The following FBXO17 variants were observed in gnomAD, a reference collection of about 807,000 sequenced individuals.
FBXO17 encodes F-box only protein 17.
In FBXO17, 43 loss-of-function variants were observed where a neutral mutation model predicts 34.1. That is an observed-to-expected ratio of 1.26 (90% CI 0.99 to 1.62). The LOEUF is 1.62. FBXO17 is among the 40% of genes most tolerant of loss of function. The probability of loss-of-function intolerance (pLI) is 0.00; values close to 1 mark genes in which losing one functional copy is unlikely to be tolerated. For missense variants in FBXO17, 424 were observed against 386.7 expected (o/e 1.10, Z -0.81); for synonymous variants, 169 against 166.0 (o/e 1.02, Z -0.14).
chr19:38,967,472 A>G (rs552681917), intron 1 of FBXO17, among the ~76,000 whole-genome samples: 1 of 152,262 alleles, frequency 6.6e-6, no homozygotes, highest in Admixed American at 6.5e-5. Flanking sequence ...AAAGAAAGAC[A>G]AAAGATTTGA....
At chr19:38,971,426 C>T (rs745923015) in intron 1 of FBXO17, among the ~76,000 whole-genome samples, 30 of 152,130 alleles carry the variant, frequency 2.0e-4, no homozygotes, top group Non-Finnish European at 4.0e-4. Flanking sequence ...GAACCTCTGG[C>T]ACGATCATTC....
At chr19:38,974,059 C>T (rs1975429016) in intron 1 of FBXO17, among the ~76,000 whole-genome samples, 2 of 146,838 alleles carry the variant, frequency 1.4e-5, no homozygotes, top group African/African-American at 2.5e-5. Context: ...CATATATATA[C>T]ACACATATAT....
chr19:38,969,880 G>A (rs1047278844), intron 1 of FBXO17, among the ~76,000 whole-genome samples: 3 of 151,956 alleles, frequency 2.0e-5, no homozygotes, highest in Admixed American at 6.6e-5. Flanking sequence ...TTATAGGCAT[G>A]AGCCATTGTG....
chr19:38,950,126 C>T lies in FBXO17; in HGVS notation c.194G>A (p.Arg65His). The change falls in exon 2 of 6, where the codon CGC becomes CAC. Residue 65 changes from arginine (R) to histidine (H), a missense_variant. Arg to His is a conservative substitution (Grantham distance 29, BLOSUM62 0). Transcript: ENST00000292852. ...GPTVWLLQLA[R>H]DRSAEGRALY... is the part of the protein sequence containing the mutation. Reference sequence around the variant, plus strand: ...TGCGCGGCCCTCGGCGCTGCGGTCGCGGGCCAGCTGCAGCAGCCACACAGT... The same window carrying T: ...TGCGCGGCCCTCGGCGCTGCGGTCGTGGGCCAGCTGCAGCAGCCACACAGT... 6.4e-7 allele frequency: 1 copy of T among 1,560,784 alleles called. No homozygotes were observed.
At chr19:38,960,806 C>T (rs1253671558) in intron 1 of FBXO17, among the ~76,000 whole-genome samples, 1 of 96,310 alleles carries the variant, frequency 1.0e-5, no homozygotes, top group Admixed American at 1.3e-4. Flanking sequence ...CTGCACCCGG[C>T]CACTTTTTTT....
At chr19:38,956,245 G>A (rs1390533237) in intron 1 of FBXO17, among the ~76,000 whole-genome samples, 1 of 146,778 alleles carries the variant, frequency 6.8e-6, no homozygotes, top group Non-Finnish European at 1.5e-5. Context: ...CAGCCTGGGC[G>A]ATAGACTGAG....
At chr19:38,959,024 T>A (rs1305928627) in intron 1 of FBXO17, among the ~76,000 whole-genome samples, 5 of 152,080 alleles carry the variant, frequency 3.3e-5, no homozygotes, top group Non-Finnish European at 7.4e-5. Flanking sequence ...CAACTCAGCC[T>A]CCTGAGTAGA....
At chr19:38,960,167 G>A (rs1034995789) in intron 1 of FBXO17, among the ~76,000 whole-genome samples, 4 of 152,114 alleles carry the variant, frequency 2.6e-5, no homozygotes, top group Non-Finnish European at 4.4e-5. Context: ...TGAGGCCAGA[G>A]ACCTTTTTAT....
intron 1 of FBXO17, among the ~76,000 whole-genome samples, chr19:38,971,109 A>AG (rs1433096169): frequency 6.6e-6 from 1 of 151,640 alleles, no homozygotes; most frequent in Non-Finnish European, 1.5e-5. Flanking sequence ...AAAAAAAAAA[A>AG]AAAAAATTCA....
chr19:38,966,765 A>G (rs1975326894), intron 1 of FBXO17, among the ~76,000 whole-genome samples: 1 of 152,212 alleles, frequency 6.6e-6, no homozygotes, highest in African/African-American at 2.4e-5. Flanking sequence ...CCTGGAGGCT[A>G]GGGGCATTCT....
At chr19:38,943,214 CTTT>C (rs11300059) in intron 5 of FBXO17, among the ~76,000 whole-genome samples, 1 of 145,312 alleles carries the variant, frequency 6.9e-6, no homozygotes, top group African/African-American at 2.5e-5. Flanking sequence ...AGGACTTTGG[CTTT>C]TTTTTTTTTT....
intron 1 of FBXO17, among the ~76,000 whole-genome samples, chr19:38,974,023 TATATATATAC>T (rs1975426072): frequency 7.8e-6 from 1 of 128,442 alleles, no homozygotes; most frequent in Non-Finnish European, 1.7e-5. Flanking sequence ...TATGTGTATA[TATATATATAC>T]ATATATATAT....
chr19:38,949,780 A>C, intron 2 of FBXO17, 191 bp downstream of exon 2: 1 of 690,690 alleles, frequency 1.4e-6, no homozygotes, highest in Admixed American at 3.4e-5. Flanking sequence ...ACTCGTTCGG[A>C]TTCCCGGCTT....
At chr19:38,943,651 A>G (rs1227900418) in intron 5 of FBXO17, among the ~76,000 whole-genome samples, 1 of 152,060 alleles carries the variant, frequency 6.6e-6, no homozygotes, top group Non-Finnish European at 1.5e-5. Flanking sequence ...GTGCAGTGGC[A>G]TGATCTCAGC....
chr19:38,952,827 TCA>T, intron 1 of FBXO17: 1 of 457,110 alleles, frequency 2.2e-6, no homozygotes, highest in South Asian at 1.5e-5. Flanking sequence ...AACCTCAATC[TCA>T]CACTCACTCT....
At position 38,973,966 on chromosome 19, in the gene FBXO17, C is replaced by T. The variant is rs117334266; in HGVS notation, c.-18+1620G>A. ...ACACTGTACTCCAGCCTGGGCAACA[C>T]AGTTTTGATTTGATTTGATTTGATT... On this transcript the variant is annotated intron_variant, in intron 1 of 5. Coordinates refer to ENST00000292852, the MANE Select transcript of FBXO17 (RefSeq NM_024907.7). 5.7e-3 allele frequency among the ~76,000 whole-genome samples: 805 copies of T among 140,728 alleles called. 31 individuals carry two copies. In the East Asian group the frequency reaches 0.11, roughly 20 times the overall value. 92.3% of individuals were successfully genotyped at this position (140,728 alleles called of 152,430 possible).
rs528375661 is a variant in FBXO17, at chr19:38,969,858, G to A, written c.-18+5728C>T. 2.7e-4 allele frequency among the ~76,000 whole-genome samples: 41 copies of A among 152,006 alleles called. 1 individual carries two copies. In the South Asian group the frequency reaches 8.5e-3, roughly 32 times the overall value. On this transcript the variant is annotated intron_variant, in intron 1 of 5. Coordinates refer to ENST00000292852, the MANE Select transcript of FBXO17 (RefSeq NM_024907.7). ...AGTGATCCTCCTGCCTTGGCTTCCC[G>A]AAGTGCTGGGATTATAGGCATGAGC... is the stretch of plus-strand genomic sequence containing the variant.
At chr19:38,951,875 C>T (rs1051437552) in intron 1 of FBXO17, among the ~76,000 whole-genome samples, 13 of 152,016 alleles carry the variant, frequency 8.6e-5, no homozygotes, top group African/African-American at 2.9e-4. Context: ...TCTCGAACTC[C>T]AGACCTCAGG....
chr19:38,962,893 G>C (rs1047030931), intron 1 of FBXO17, among the ~76,000 whole-genome samples: 2 of 151,704 alleles, frequency 1.3e-5, no homozygotes, highest in African/African-American at 4.8e-5. Context: ...ACTTTTTGTA[G>C]TAGGGACGGG....
Sources: gnomAD v4.1 joint callset for allele counts (sites outside exome capture counted in the v4.1 genomes callset) on GRCh38, gnomAD v4.1.1 for gene constraint, MANE v1.5 for transcripts, NCBI Gene and HGNC (gene_info 2026-07-23, HGNC 2026-07-21) for gene names.